The following DNAH11 variants were observed in gnomAD, a reference collection of about 807,000 sequenced individuals.
DNAH11 encodes the protein dynein axonemal heavy chain 11, also known as axonemal beta dynein heavy chain 11.
Under a neutral mutation model 526.0 loss-of-function variants are expected in DNAH11, and 442 were observed. That is an observed-to-expected ratio of 0.84 (90% CI 0.78 to 0.91). The LOEUF is 0.91. Among genes scored for constraint, DNAH11 ranks in the 40% least tolerant of loss-of-function variants. The pLI is 0.00. For synonymous variants in DNAH11, 2,461 were observed against 1,935.9 expected (o/e 1.27, Z -7.12); for missense variants, 6,989 against 5,448.7 (o/e 1.28, Z -8.90).
intron 8 of DNAH11, among the ~76,000 whole-genome samples, chr7:21,575,969 T>C (rs954943290): frequency 1.3e-5 from 2 of 152,216 alleles, no homozygotes; most frequent in Non-Finnish European, 2.9e-5. Context: ...GATATCATTG[T>C]TTAAAATTTT....
At chr7:21,611,042 G>A (rs1383243564) in intron 20 of DNAH11, among the ~76,000 whole-genome samples, 1 of 152,186 alleles carries the variant, frequency 6.6e-6, no homozygotes, top group East Asian at 1.9e-4. Flanking sequence ...TTATTTCTGG[G>A]CATGTCTGAG....
At chr7:21,569,617 C>A (rs1477629766) in intron 6 of DNAH11, among the ~76,000 whole-genome samples, 1 of 152,218 alleles carries the variant, frequency 6.6e-6, no homozygotes, top group Non-Finnish European at 1.5e-5. Flanking sequence ...TCCACTGTTA[C>A]ACACTCCTAA....
chr7:21,589,287 C>T lies in DNAH11; in HGVS notation c.2053C>T (p.Arg685Cys), dbSNP rs754405810. Residue 685 changes from arginine (R) to cysteine (C), a missense_variant, in exon 12 of 82, where the codon CGT becomes TGT. By Grantham distance (180) the Arg-to-Cys change is radical (BLOSUM62 -3). Coordinates refer to ENST00000409508, the MANE Select transcript of DNAH11 (RefSeq NM_001277115.2). ...MTTLLDQFES[R>C]IYNEWKSNVD... ...CACTTTGCTTGATCAATTTGAAAGT[C>T]GTATCTATAATGAATGGAAAAGTAA... The T allele has an allele frequency of 1.6e-5, 26 of 1,609,334 alleles. No individual in the cohort carries two copies. The highest frequency in any genetic ancestry group is 2.0e-5 in the Non-Finnish European group (23 of 1,178,308).
intron 44 of DNAH11, among the ~76,000 whole-genome samples, chr7:21,725,303 G>A (rs2860549): frequency 0.6 from 91,768 of 151,968 alleles, 27,797 homozygotes; most frequent in South Asian, 0.71. Flanking sequence ...CAGAGTTTCA[G>A]TAATGATGTG....
intron 28 of DNAH11, among the ~76,000 whole-genome samples, chr7:21,652,294 A>G (rs1241193437): frequency 6.6e-6 from 1 of 152,206 alleles, no homozygotes; most frequent in Admixed American, 6.5e-5. Context: ...CTCCCAAACA[A>G]CAAAAACTGA....
Position 21,901,174 on chromosome 7 carries a change from A to C in DNAH11, c.13471A>C (p.Ile4491Leu), listed in dbSNP as rs1784806244. The change falls in exon 82 of 82, where the codon ATC (isoleucine) becomes CTC (leucine). Residue 4491 changes from isoleucine to leucine, a missense_variant. Transcript: ENST00000409508. ...YRTKLRGPSY[I>L]WTFRLKSEEK... ...AACCAAACTGAGAGGCCCCAGCTAC[A>C]TCTGGACCTTCAGGCTGAAGAGCGA... The C allele has an allele frequency of 1.2e-6, 2 of 1,610,492 alleles. No homozygotes were observed. Among genetic ancestry groups the C allele is most frequent in the Non-Finnish European group, 1.7e-6 (2 of 1,177,218 alleles).
At chr7:21,755,831 A>G (rs1277828625) in intron 54 of DNAH11, among the ~76,000 whole-genome samples, 1 of 152,130 alleles carries the variant, frequency 6.6e-6, no homozygotes, top group African/African-American at 2.4e-5. Flanking sequence ...TATTTAATTG[A>G]AATATACTTT....
chr7:21,619,861 T>A (rs1330337705), intron 24 of DNAH11, 95 bp from the exon 25 acceptor site: 4 of 1,252,598 alleles, frequency 3.2e-6, no homozygotes, highest in African/African-American at 3.1e-5. Context: ...TCAGTTTGCA[T>A]TTTTGAAAGT....
intron 70 of DNAH11, among the ~76,000 whole-genome samples, chr7:21,865,300 CT>C (rs771657990): frequency 6.6e-6 from 1 of 152,020 alleles, no homozygotes; most frequent in Non-Finnish European, 1.5e-5. Context: ...TAACTGTTAC[CT>C]CTTATTTTTA....
intron 37 of DNAH11, among the ~76,000 whole-genome samples, chr7:21,703,228 G>T (rs1784134719): frequency 6.6e-6 from 1 of 152,206 alleles, no homozygotes; most frequent in East Asian, 1.9e-4. Context: ...AGGAAGGGTG[G>T]GTGCCTGACA....
At chr7:21,583,207 C>A (rs952715532) in intron 9 of DNAH11, among the ~76,000 whole-genome samples, 1 of 152,108 alleles carries the variant, frequency 6.6e-6, no homozygotes, top group African/African-American at 2.4e-5. Context: ...CTACAGTAAC[C>A]AAAACAGTAT....
intron 14 of DNAH11, among the ~76,000 whole-genome samples, chr7:21,597,355 C>G (rs1446083475): frequency 6.6e-6 from 1 of 152,068 alleles, no homozygotes; most frequent in Non-Finnish European, 1.5e-5. Flanking sequence ...TATTAACTTC[C>G]TACTAGTGCG....
chr7:21,594,264 T>C (rs79690274), intron 14 of DNAH11, among the ~76,000 whole-genome samples: 2,643 of 152,292 alleles, frequency 0.017, 79 homozygotes, highest in African/African-American at 0.059. Context: ...GATTACGGTT[T>C]TCCTGCTGGG....
At position 21,599,921 on chromosome 7, in the gene DNAH11, A is replaced by G. The variant is rs755239180; in HGVS notation, c.2802A>G (p.Thr934=). Reference sequence around the variant, plus strand: ...ACTTAGACTTCTTTCTGAAGAATACAGAGAAACAATTGAAACCGGCACCGT... The same window carrying G: ...ACTTAGACTTCTTTCTGAAGAATACGGAGAAACAATTGAAACCGGCACCGT... The part of the protein sequence containing the change: ...MHDLDFFLKN[T]EKQLKPAPFF... Residue 934 remains threonine (T), a synonymous_variant, in exon 15 of 82, where the codon ACA becomes ACG. Coordinates refer to ENST00000409508, the MANE Select transcript of DNAH11 (RefSeq NM_001277115.2). 1.9e-5 allele frequency: 30 copies of G among 1,612,868 alleles called. No individual in the cohort carries two copies. The Admixed American group carries it at 2.2e-4, about 12-fold the overall frequency.
chr7:21,854,408 A>G lies in DNAH11; in HGVS notation c.11155A>G (p.Ile3719Val), dbSNP rs1213978269. The change falls in exon 68 of 82, where the codon ATT (isoleucine) becomes GTT (valine). Residue 3719 changes from isoleucine to valine, a missense_variant. Physicochemically the swap from Ile to Val is conservative, Grantham distance 29. Transcript: ENST00000409508. ...AARASLLYFV[I>V]NDLQKINPLY... ...AAGAGCATCTCTTCTTTATTTTGTT[A>G]TTAATGACCTCCAAAAAATCAACCC... The G allele has an allele frequency of 6.2e-7, 1 of 1,613,776 alleles. No homozygotes were observed. The highest frequency in any genetic ancestry group is 1.3e-5 in the African/African-American group (1 of 74,930).
intron 6 of DNAH11, among the ~76,000 whole-genome samples, chr7:21,566,335 T>A (rs764643842): frequency 6.6e-6 from 1 of 152,148 alleles, no homozygotes. Context: ...ATTCCTTTGA[T>A]TCTATGAACG....
chr7:21,822,241 G>T (rs1485199652), intron 65 of DNAH11, among the ~76,000 whole-genome samples: 1 of 152,070 alleles, frequency 6.6e-6, no homozygotes, highest in East Asian at 1.9e-4. Flanking sequence ...TCTGCTTCTG[G>T]TGAAGCCTCA....
chr7:21,631,885 A>G lies in DNAH11; in HGVS notation c.4501-3986A>G, dbSNP rs539063079. Among the ~76,000 whole-genome samples, 621 of 152,090 alleles carry G rather than the reference A, an allele frequency of 4.1e-3. 13 individuals are homozygous for G. The highest frequency in any genetic ancestry group is 0.031 in the Admixed American group (478 of 15,280). On this transcript the variant is annotated intron_variant, in intron 25 of 81. Transcript: ENST00000409508. The stretch of plus-strand genomic sequence containing the variant: ...TTCACTAGTCAGTGCCCCAGTTGGG[A>G]CTTTGTGTGGGGGCTCTGATCCCAC...
intron 30 of DNAH11, among the ~76,000 whole-genome samples, chr7:21,674,326 G>T (rs570830729): frequency 6.6e-6 from 1 of 152,102 alleles, no homozygotes; most frequent in South Asian, 2.1e-4. Context: ...AAAGTTCTGG[G>T]ATTACAGATG....
Sources: allele counts gnomAD v4.1 joint callset (sites outside exome capture counted in the v4.1 genomes callset), GRCh38; gene constraint gnomAD v4.1.1; transcripts MANE v1.5; gene names NCBI Gene and HGNC (gene_info 2026-07-23, HGNC 2026-07-21).